Variants in RALGDS observed in about 807,000 individuals in gnomAD.
RALGDS encodes ral guanine nucleotide dissociation stimulator, also known as ral guanine nucleotide exchange factor.
RALGDS carries 44 observed loss-of-function variants against 99.8 expected under a neutral mutation model. That is an observed-to-expected ratio of 0.44 (90% confidence interval 0.35 to 0.57). The LOEUF (loss-of-function observed/expected upper bound fraction) is 0.57, where lower values mean the gene tolerates loss of function less well. Ranked by LOEUF, RALGDS falls within the 20% of genes least tolerant of loss-of-function variation. RALGDS has a pLI of 0.01. For synonymous variants in RALGDS, 529 were observed against 505.0 expected (o/e 1.05, Z -0.64); for missense variants, 1,022 against 1,203.1 (o/e 0.85, Z 2.23).
rs139509087 is a variant in RALGDS, at chr9:133,108,084, T to A, written c.1101A>T (p.Ser367=). The A allele has an allele frequency of 7.6e-5, 123 of 1,613,622 alleles. 1 individual carries two copies. In the African/African-American group the frequency reaches 1.5e-3, roughly 19 times the overall value. ...PVPSLQPSWP[S]PVVAENGLSE... The stretch of plus-strand genomic sequence containing the variant: ...TCAGCCCGTTCTCTGCAACCACAGG[T>A]GAAGGCCAGGAAGGCTGTAATGATG... Residue 367 remains serine (S), a synonymous_variant, in exon 6 of 18, where the codon TCA becomes TCT. Transcript: ENST00000372050.
intron 1 of RALGDS, among the ~76,000 whole-genome samples, chr9:133,142,630 C>T (rs887742691): frequency 2.0e-5 from 3 of 152,184 alleles, no homozygotes; most frequent in African/African-American, 7.2e-5. Context: ...ACACCCCACC[C>T]CTATGGGGGG....
intron 1 of RALGDS, among the ~76,000 whole-genome samples, chr9:133,137,154 AC>A (rs1384243434): frequency 2.0e-5 from 3 of 151,204 alleles, no homozygotes; most frequent in Non-Finnish European, 4.4e-5. Context: ...AACCACTTGA[AC>A]CCGGGAGGTA....
intron 1 of RALGDS, among the ~76,000 whole-genome samples, chr9:133,143,771 T>TAATAATAATAATAATAAC (rs1554745676): frequency 2.7e-5 from 3 of 111,608 alleles, no homozygotes; most frequent in East Asian, 2.5e-4. Context: ...ATAATAATAA[T>TAATAATAATAATAATAAC]AACAACAACA....
intron 1 of RALGDS, among the ~76,000 whole-genome samples, chr9:133,138,786 C>A (rs1295588222): frequency 6.6e-6 from 1 of 152,190 alleles, no homozygotes; most frequent in Non-Finnish European, 1.5e-5. Flanking sequence ...AGGTGTGCAC[C>A]ACCACGCCCG....
chr9:133,113,619 G>A (rs1831455646), intron 1 of RALGDS, among the ~76,000 whole-genome samples: 1 of 152,164 alleles, frequency 6.6e-6, no homozygotes, highest in African/African-American at 2.4e-5. Context: ...AGAGACATAC[G>A]CTCACCCCCC....
chr9:133,133,545 G>A (rs559231862), upstream of RALGDS, among the ~76,000 whole-genome samples: 150 of 152,360 alleles, frequency 9.8e-4, no homozygotes, highest in African/African-American at 3.6e-3. Flanking sequence ...GGACAGCCGA[G>A]GCGCTGGGGC....
intron 4 of RALGDS, 62 bp downstream of exon 4, chr9:133,109,562 CCA>C: frequency 6.9e-7 from 1 of 1,440,244 alleles, no homozygotes; most frequent in Non-Finnish European, 9.8e-7. Flanking sequence ...GGCCCCAGCC[CCA>C]TGTACTCTCC....
rs1213233090 is a variant in RALGDS at position 133,114,031 on chromosome 9, G to A, written c.184-1879C>T. On this transcript the variant is annotated intron_variant, in intron 1 of 17. Coordinates refer to ENST00000372050, the MANE Select transcript of RALGDS (RefSeq NM_006266.4). Reference sequence around the variant, plus strand: ...GGAGGGGCTGAAGCCAGGTGGCCTCGGCTGTCCCTGAGCAGGTCTAGAGAG... The same window carrying A: ...GGAGGGGCTGAAGCCAGGTGGCCTCAGCTGTCCCTGAGCAGGTCTAGAGAG... Among the ~76,000 whole-genome samples the A allele has an allele frequency of 2.6e-5, 4 of 152,222 alleles. No individual in the cohort carries two copies. The South Asian group carries it at 6.2e-4, about 24-fold the overall frequency.
chr9:133,124,507 C>G (rs978389667), upstream of RALGDS, among the ~76,000 whole-genome samples: 1 of 151,002 alleles, frequency 6.6e-6, no homozygotes, highest in Non-Finnish European at 1.5e-5. Context: ...AGCAAGACCC[C>G]ATTCTCCACA....
chr9:133,123,435 A>T (rs1194847395), upstream of RALGDS, among the ~76,000 whole-genome samples: 1 of 152,182 alleles, frequency 6.6e-6, no homozygotes, highest in Admixed American at 6.5e-5. Context: ...GGTGGCCCCA[A>T]GGAGGCTGGA....
chr9:133,098,666 A>C lies in RALGDS; in HGVS notation c.2666T>G (p.Val889Gly), dbSNP rs149083027. Residue 889 changes from valine to glycine, a missense_variant, in exon 18 of 18, where the codon GTG (valine) becomes GGG (glycine). Physicochemically the swap from Val to Gly is moderately radical, Grantham distance 109 (BLOSUM62 -3). Around this residue, in one of 3 missense-constraint regions of RALGDS, gnomAD observed 825 missense variants for 994.5 expected, o/e 0.83. Coordinates refer to ENST00000372050, the MANE Select transcript of RALGDS (RefSeq NM_006266.4). ...VLKKRTFTKG[V>G]KVKHGASSTL... is the part of the protein sequence containing the mutation. Reference sequence around the variant, plus strand: ...GGAGCTGGCTCCGTGCTTGACCTTCACTCCCTTGGTGAAGGTCCGCTTCTT... The same window carrying C: ...GGAGCTGGCTCCGTGCTTGACCTTCCCTCCCTTGGTGAAGGTCCGCTTCTT... 13 of 1,613,476 alleles carry C rather than the reference A, an allele frequency of 8.1e-6. No homozygotes were observed. The highest frequency in any genetic ancestry group is 3.3e-5 in the Admixed American group (2 of 59,962).
intron 11 of RALGDS, 83 bp downstream of exon 11, chr9:133,103,664 G>C: frequency 7.3e-7 from 1 of 1,366,476 alleles, no homozygotes; most frequent in Non-Finnish European, 1.0e-6. Context: ...TCATTGCTGG[G>C]ACAGGTGTGG....
At chr9:133,125,910 A>G (rs1420744653), upstream of RALGDS, among the ~76,000 whole-genome samples, 4 of 152,014 alleles carry the variant, frequency 2.6e-5, no homozygotes, top group Non-Finnish European at 4.4e-5. Context: ...CATCTTCACT[A>G]CAAAAGGGGT....
At chr9:133,119,945 G>C (rs996845163) in intron 1 of RALGDS, among the ~76,000 whole-genome samples, 2 of 152,202 alleles carry the variant, frequency 1.3e-5, no homozygotes, top group Non-Finnish European at 2.9e-5. Context: ...ACAGTCTAAA[G>C]CCATGAAGCG....
In RALGDS at chr9:133,110,609, A is replaced by G. The variant is rs1374581152; in HGVS notation, c.295-120T>C. Reference sequence around the variant, plus strand: ...AGAGGCAGGACTGAGTATCTCTAGCAGAAAAAGGTTATCAGCTTTAAAAGT... The same window carrying G: ...AGAGGCAGGACTGAGTATCTCTAGCGGAAAAAGGTTATCAGCTTTAAAAGT... On this transcript the variant is annotated intron_variant, in intron 2 of 17. Transcript: ENST00000372050. 8.2e-6 allele frequency: 7 copies of G among 853,108 alleles called. No homozygotes were observed. The Admixed American group carries it at 1.4e-4, about 17-fold the overall frequency. 52.8% of individuals were successfully genotyped at this position (853,108 alleles called of 1,614,324 possible).
In RALGDS at chr9:133,108,691, T is replaced by A. The variant is rs1257127848; in HGVS notation, c.760A>T (p.Ile254Phe). ...LLAQLEHSEP[I>F]EAEPEALSPV... is the part of the protein sequence containing the mutation. ...TCCTCACCCTCAGGCTCTGCCTCAA[T>A]GGGTTCCGAGTGCTCCAGCTGGGCC... Residue 254 changes from isoleucine (I) to phenylalanine (F), a missense_variant, in exon 5 of 18, where the codon ATT becomes TTT. Around this residue, in one of 3 missense-constraint regions of RALGDS, gnomAD observed 825 missense variants for 994.5 expected, o/e 0.83. Transcript: ENST00000372050. The A allele has an allele frequency of 6.2e-7, 1 of 1,613,450 alleles. No homozygotes were observed. The highest frequency in any genetic ancestry group is 2.2e-5 in the East Asian group (1 of 44,866).
chr9:133,101,817 C>A (rs1389436403), intron 15 of RALGDS, 55 bp from the exon 16 acceptor site: 2 of 1,558,748 alleles, frequency 1.3e-6, no homozygotes, highest in East Asian at 2.4e-5. Flanking sequence ...GCACCCCAGG[C>A]CAGCTGCCAG....
At chr9:133,121,538 G>A (rs1564246172), upstream of RALGDS, among the ~76,000 whole-genome samples, 6 of 152,218 alleles carry the variant, frequency 3.9e-5, no homozygotes. Flanking sequence ...CACCGTTTGC[G>A]TGTCACGCTG....
intron 9 of RALGDS, among the ~76,000 whole-genome samples, chr9:133,105,209 G>C (rs941647856): frequency 2.6e-5 from 4 of 152,190 alleles, no homozygotes; most frequent in African/African-American, 7.2e-5. Context: ...TGTCCACGCA[G>C]GAGGGGGGCC....
Sources: allele counts gnomAD v4.1 joint callset (sites outside exome capture counted in the v4.1 genomes callset), GRCh38; gene constraint gnomAD v4.1.1; regional missense constraint gnomAD v4.1.1; transcripts MANE v1.5; gene names NCBI Gene and HGNC (gene_info 2026-07-23, HGNC 2026-07-21).